Variants in CAMKK2 observed in about 807,000 individuals in gnomAD.
CAMKK2 encodes the protein calcium/calmodulin dependent protein kinase kinase 2.
In CAMKK2, 30 loss-of-function variants were observed where a neutral mutation model predicts 67.2. The observed-to-expected ratio is 0.45, with a 90% confidence interval of 0.33 to 0.61. The LOEUF is 0.61. Ranked by LOEUF, CAMKK2 falls within the 20% of genes least tolerant of loss-of-function variation. The pLI, the probability that CAMKK2 is intolerant of heterozygous loss-of-function variation, is 0.02. For missense variants in CAMKK2, 643 were observed against 802.0 expected (o/e 0.80, Z 2.39); for synonymous variants, 322 against 326.2 (o/e 0.99, Z 0.14).
In CAMKK2 at chr12:121,240,949, G is replaced by A. The variant is rs979780115; in HGVS notation, c.1597-80C>T. On this transcript the variant is annotated intron_variant, in intron 16 of 16. Transcript: ENST00000404169. This position sits in a 1 kb window ranked among gnomAD's most constrained non-coding sequence, Gnocchi z 4.4. The stretch of plus-strand genomic sequence containing the variant: ...CTGAGCCAGCTGCTCCCACATCTGG[G>A]CCCCCTGCCCAAGTGGGCCGTCGCG... 7 of 1,471,800 alleles carry A rather than the reference G, an allele frequency of 4.8e-6. No individual in the cohort carries two copies. The highest frequency in any genetic ancestry group is 3.8e-5 in the Admixed American group (2 of 52,284). 91.2% of individuals were successfully genotyped at this position (1,471,800 alleles called of 1,614,324 possible). A position where few individuals can be genotyped will look rare whatever the true frequency, so the allele number is the denominator to read the frequency against.
chr12:121,267,674 G>GT (rs1894900679), intron 5 of CAMKK2, among the ~76,000 whole-genome samples: 2 of 151,384 alleles, frequency 1.3e-5, no homozygotes, highest in South Asian at 4.2e-4. Context: ...TCTATTTTTA[G>GT]TAAAGATAGG....
chr12:121,280,153 C>T (rs7964571), intron 1 of CAMKK2, among the ~76,000 whole-genome samples: 51,106 of 152,162 alleles, frequency 0.34, 9,215 homozygotes, highest in African/African-American at 0.43. Flanking sequence ...ACGGAGGGAC[C>T]GGCTAAAGCC....
chr12:121,274,437 G>GCTTTCGC lies in CAMKK2; in HGVS notation c.83_89dup (p.Ser30ArgfsTer8). 1 of 1,613,124 alleles carries GCTTTCGC rather than the reference G, an allele frequency of 6.2e-7. No homozygotes were observed. The highest frequency in any genetic ancestry group is 1.3e-5 in the African/African-American group (1 of 75,068). On this transcript the variant is annotated frameshift_variant, in exon 2 of 17. Coordinates refer to ENST00000404169, the MANE Select transcript of CAMKK2 (RefSeq NM_001270485.2). LOFTEE classifies it high-confidence loss of function. ...CCCGCAGGGCCTCACAGGGCTTCTG[G>GCTTTCGC]CTTTCGCTGCTGCTGCTGCCCCTGC...
chr12:121,260,952 C>CAAA (rs1056645998), intron 6 of CAMKK2, among the ~76,000 whole-genome samples: 1 of 92,014 alleles, frequency 1.1e-5, no homozygotes, highest in African/African-American at 3.7e-5. Context: ...GACTCTGTCT[C>CAAA]AAAAAAAAAA....
rs1379455553 is a variant in CAMKK2, at chr12:121,253,793, T to G, written c.908-321A>C. 6.6e-6 allele frequency among the ~76,000 whole-genome samples: 1 copy of G among 152,128 alleles called. No homozygotes were observed. Among genetic ancestry groups the G allele is most frequent in the Non-Finnish European group, 1.5e-5 (1 of 68,042 alleles). ...GTCACAAGTGACAGTGCATGGAAAG[T>G]TTTTGCTGGGCTTGGCTCACAGCTA... On this transcript the variant is annotated intron_variant, in intron 9 of 16. Coordinates refer to ENST00000404169, the MANE Select transcript of CAMKK2 (RefSeq NM_001270485.2). This position sits in a 1 kb window ranked among gnomAD's most constrained non-coding sequence, Gnocchi z 5.0.
chr12:121,245,280 G>A lies in CAMKK2; in HGVS notation c.1453-40C>T, dbSNP rs1889215512. On this transcript the variant is annotated intron_variant, in intron 14 of 16. Coordinates refer to ENST00000404169, the MANE Select transcript of CAMKK2 (RefSeq NM_001270485.2). The surrounding 1 kb of genome is among the most constrained non-coding windows in gnomAD (Gnocchi z 5.8). The stretch of plus-strand genomic sequence containing the variant: ...AAGAGGAGGTGGCAGGCAACTGCTT[G>A]GCCATGTGGGGGCGATTCTGGGCAA... 7.7e-7 allele frequency: 1 copy of A among 1,304,334 alleles called. No individual in the cohort carries two copies. The highest frequency in any genetic ancestry group is 1.1e-6 in the Non-Finnish European group (1 of 916,924). The allele number at this position is 1,304,334 out of a possible 1,614,324, so 80.8% of individuals were successfully genotyped here.
chr12:121,264,216 G>T (rs1402498262), intron 5 of CAMKK2, among the ~76,000 whole-genome samples: 1 of 152,258 alleles, frequency 6.6e-6, no homozygotes, highest in Non-Finnish European at 1.5e-5. Context: ...CAGGAGTGCT[G>T]AGGCAACTGC....
rs758423314 is a variant in CAMKK2 at position 121,270,926 on chromosome 12, T to C, written c.491A>G (p.Gln164Arg). The C allele has an allele frequency of 6.2e-7, 1 of 1,613,754 alleles. No homozygotes were observed. The highest frequency in any genetic ancestry group is 8.5e-7 in the Non-Finnish European group (1 of 1,179,698). ...TGMQDCVQLN[Q>R]YTLKDEIGKG... is the part of the protein sequence containing the mutation. ...TCCAATTTCATCCTTCAGGGTATAC[T>C]GATTCAGCTGCACACAGTCCTAGAG... is the stretch of plus-strand genomic sequence containing the variant. The change falls in exon 3 of 17, where the codon CAG becomes CGG. Residue 164 changes from glutamine (Q) to arginine (R), a missense_variant. Gln to Arg is a conservative substitution (Grantham distance 43). Transcript: ENST00000404169.
rs1357808592 is a variant in CAMKK2 at position 121,240,583 on chromosome 12, C to A, written c.*116G>T. On this transcript the variant is annotated 3_prime_UTR_variant, in exon 17 of 17. Coordinates refer to ENST00000404169, the MANE Select transcript of CAMKK2 (RefSeq NM_001270485.2). The surrounding 1 kb of genome is among the most constrained non-coding windows in gnomAD (Gnocchi z 4.4). ...GGAAAAAACAAATAACCAGAGATGA[C>A]GATCGAGGCTCTACACACGTGCTGG... The A allele has an allele frequency of 2.0e-6, 3 of 1,530,960 alleles. No individual in the cohort carries two copies. The highest frequency in any genetic ancestry group is 4.0e-5 in the Admixed American group (2 of 50,062). The allele number at this position is 1,530,960 out of a possible 1,614,324, so 94.8% of individuals were successfully genotyped here.
upstream of CAMKK2, chr12:121,297,299 C>A (rs143835365): frequency 0.029 from 7,408 of 256,060 alleles, 181 homozygotes; most frequent in Admixed American, 0.043. Flanking sequence ...AGGCGCCGGG[C>A]GGTGGATGCG....
chr12:121,273,714 C>A (rs1180183931), intron 2 of CAMKK2, among the ~76,000 whole-genome samples: 2 of 152,082 alleles, frequency 1.3e-5, no homozygotes, highest in Non-Finnish European at 2.9e-5. Flanking sequence ...AGTATAAATA[C>A]CCCAGCTCCC....
chr12:121,249,909 G>A (rs778854123), intron 12 of CAMKK2, 35 bp from the exon 13 acceptor site: 11 of 1,611,580 alleles, frequency 6.8e-6, no homozygotes, highest in Non-Finnish European at 9.3e-6. Flanking sequence ...GGCAGACACG[G>A]GACCGCCAAG....
At position 121,253,387 on chromosome 12, in the gene CAMKK2, A is replaced by G. The variant is rs1390417077; in HGVS notation, c.993T>C (p.Phe331=). The change falls in exon 10 of 17, where the codon TTT becomes TTC. Residue 331 remains phenylalanine (F), a synonymous_variant. Transcript: ENST00000404169. This position sits in a 1 kb window ranked among gnomAD's most constrained non-coding sequence, Gnocchi z 5.0. ...GEDGHIKIAD[F]GVSNEFKGSD... ...TGCCCTTGAATTCATTGCTCACACC[A>G]AAGTCAGCGATCTTGATGTGCCCAT... is the stretch of plus-strand genomic sequence containing the variant. 1.2e-6 allele frequency: 2 copies of G among 1,614,052 alleles called. No individual in the cohort carries two copies. Among genetic ancestry groups the G allele is most frequent in the Admixed American group, 1.7e-5 (1 of 59,998 alleles).
rs1480574671 is a variant in CAMKK2, at chr12:121,239,378, G to A, written c.*1321C>T. ...CAACCAAACTTCCCAATATCAGTTG[G>A]AAGTCAAAAAGATGAACCCTTTCTT... On this transcript the variant is annotated 3_prime_UTR_variant, in exon 17 of 17. Coordinates refer to ENST00000404169, the MANE Select transcript of CAMKK2 (RefSeq NM_001270485.2). 2.0e-5 allele frequency: 3 copies of A among 152,216 alleles called. No individual in the cohort carries two copies. Among genetic ancestry groups the A allele is most frequent in the Admixed American group, 2.0e-4 (3 of 15,292 alleles). The allele number at this position is 152,216 out of a possible 1,614,324, so 9.4% of individuals were successfully genotyped here.
chr12:121,248,589 G>C lies in CAMKK2; in HGVS notation c.1452+17C>G, dbSNP rs772085508. 2.5e-6 allele frequency: 4 copies of C among 1,613,936 alleles called. No homozygotes were observed. The highest frequency in any genetic ancestry group is 2.7e-5 in the African/African-American group (2 of 74,934). On this transcript the variant is annotated intron_variant, in intron 14 of 16. Coordinates refer to ENST00000404169, the MANE Select transcript of CAMKK2 (RefSeq NM_001270485.2). The stretch of plus-strand genomic sequence containing the variant: ...CTCCTGGGTCCCTGCTCTGGGTCAG[G>C]GGTCCATCCACCTTACCACGGTTGC...
At chr12:121,268,950 A>G (rs896928626) in intron 4 of CAMKK2, among the ~76,000 whole-genome samples, 1 of 152,054 alleles carries the variant, frequency 6.6e-6, no homozygotes, top group Non-Finnish European at 1.5e-5. Context: ...CTCAGCTGGG[A>G]AACCACGAGC....
At chr12:121,254,948 A>G (rs963030195) in intron 9 of CAMKK2, among the ~76,000 whole-genome samples, 4 of 151,860 alleles carry the variant, frequency 2.6e-5, no homozygotes, top group African/African-American at 9.7e-5. Flanking sequence ...GGGCTGGGGA[A>G]GGCAGACCCA....
rs529125303 is a variant in CAMKK2 at position 121,248,516 on chromosome 12, C to T, written c.1452+90G>A. The T allele has an allele frequency of 3.2e-5, 49 of 1,516,704 alleles. No individual in the cohort carries two copies. The East Asian group carries it at 4.8e-4, about 15-fold the overall frequency. 94.0% of individuals were successfully genotyped at this position (1,516,704 alleles called of 1,614,324 possible). On this transcript the variant is annotated intron_variant, in intron 14 of 16. Coordinates refer to ENST00000404169, the MANE Select transcript of CAMKK2 (RefSeq NM_001270485.2). ...GGGTGGCCCCCGGACATCTGACTCC[C>T]GGGCACCCGCCTGTGTCCGGCCTGT...
At chr12:121,262,209 T>G (rs1893591020) in intron 6 of CAMKK2, among the ~76,000 whole-genome samples, 1 of 152,138 alleles carries the variant, frequency 6.6e-6, no homozygotes. Flanking sequence ...TACTTTTTAT[T>G]TTTCATAAAA....
Sources: allele counts gnomAD v4.1 joint callset (sites outside exome capture counted in the v4.1 genomes callset), GRCh38; gene constraint gnomAD v4.1.1; non-coding constraint Gnocchi (gnomAD v3.1); transcripts MANE v1.5; gene names NCBI Gene and HGNC (gene_info 2026-07-23, HGNC 2026-07-21).